Variants in NTRK2 observed in about 807,000 individuals in gnomAD.
NTRK2 encodes BDNF/NT-3 growth factors receptor.
A neutral mutation model predicts 94.5 loss-of-function variants in NTRK2; 13 were observed. The ratio of observed to expected loss-of-function variants is 0.14; its 90% CI spans 0.09 to 0.22. NTRK2 has a LOEUF of 0.22. Ranked by LOEUF, NTRK2 falls within the 10% of genes least tolerant of loss-of-function variation. NTRK2 has a pLI of 1.00. For synonymous variants in NTRK2, 372 were observed against 407.4 expected (o/e 0.91, Z 1.05); for missense variants, 639 against 1,071.2 (o/e 0.60, Z 5.63).
intron 14 of NTRK2, among the ~76,000 whole-genome samples, chr9:84,911,288 T>C (rs1049951903): frequency 1.3e-5 from 2 of 152,160 alleles, no homozygotes; most frequent in Admixed American, 6.5e-5. Flanking sequence ...AAGATAATAC[T>C]AGTTTTATAA....
intron 14 of NTRK2, among the ~76,000 whole-genome samples, chr9:84,895,678 T>C (rs754313958): frequency 1.1e-4 from 16 of 152,222 alleles, no homozygotes; most frequent in Admixed American, 2.6e-4. Context: ...GTCTCAGCTC[T>C]TTGGGGAGTG....
intron 6 of NTRK2, 105 bp from the exon 7 acceptor site, chr9:84,723,468 A>G: frequency 7.6e-7 from 1 of 1,322,654 alleles, no homozygotes; most frequent in Non-Finnish European, 1.1e-6. Context: ...AAAAGCAATT[A>G]AAGATTGATT....
intron 12 of NTRK2, among the ~76,000 whole-genome samples, chr9:84,820,170 T>C (rs1326208000): frequency 1.0e-5 from 1 of 95,514 alleles, no homozygotes; most frequent in Non-Finnish European, 1.9e-5. Flanking sequence ...TCTTTCTTTC[T>C]TTTTTTTTTT....
chr9:84,810,200 A>G (rs2071616351), intron 12 of NTRK2, among the ~76,000 whole-genome samples: 1 of 152,200 alleles, frequency 6.6e-6, no homozygotes, highest in African/African-American at 2.4e-5. Flanking sequence ...GGTCATTTGT[A>G]TTGTACACAG....
At chr9:85,015,829 C>T (rs1452561944) in intron 17 of NTRK2, among the ~76,000 whole-genome samples, 1 of 152,112 alleles carries the variant, frequency 6.6e-6, no homozygotes, top group Non-Finnish European at 1.5e-5. Context: ...AGTAACTTGG[C>T]CCTGGGTAGG....
At position 85,027,010 on chromosome 9, in the gene NTRK2, T is replaced by C. The variant is rs1246400186; in HGVS notation, c.*5573T>C. 2 of 232,034 alleles carry C rather than the reference T, an allele frequency of 8.6e-6. No individual in the cohort carries two copies. The highest frequency in any genetic ancestry group is 6.1e-5 in the East Asian group (1 of 16,360). The allele number at this position is 232,034 out of a possible 1,614,324, so 14.4% of individuals were successfully genotyped here. Reference sequence around the variant, plus strand: ...ATGGAAAGTCTCTTGTACTACAGTGTATTTAATAAAAATGATGTCTTACAA... The same window carrying C: ...ATGGAAAGTCTCTTGTACTACAGTGCATTTAATAAAAATGATGTCTTACAA... On this transcript the variant is annotated 3_prime_UTR_variant, in exon 19 of 19. Coordinates refer to ENST00000277120, the MANE Select transcript of NTRK2 (RefSeq NM_006180.6).
At chr9:85,007,196 G>C (rs1246070781) in intron 17 of NTRK2, among the ~76,000 whole-genome samples, 1 of 152,250 alleles carries the variant, frequency 6.6e-6, no homozygotes, top group Non-Finnish European at 1.5e-5. Context: ...CCTGCTTTTG[G>C]TGCCTAAGAA....
intron 14 of NTRK2, among the ~76,000 whole-genome samples, chr9:84,881,128 G>T (rs879811224): frequency 6.6e-6 from 1 of 152,176 alleles, no homozygotes; most frequent in Non-Finnish European, 1.5e-5. Context: ...AGAATTTGAT[G>T]AGTCCTTTGC....
chr9:84,769,556 G>A (rs1352405519), intron 12 of NTRK2, among the ~76,000 whole-genome samples: 2 of 152,184 alleles, frequency 1.3e-5, no homozygotes, highest in Non-Finnish European at 2.9e-5. Context: ...AATTCAAACA[G>A]CATCCCAGAA....
At position 84,889,086 on chromosome 9, in the gene NTRK2, G is replaced by T. The variant is rs986598674; in HGVS notation, c.1633+21655G>T. Among the ~76,000 whole-genome samples, 24 of 140,678 alleles carry T rather than the reference G, an allele frequency of 1.7e-4. No individual in the cohort carries two copies. The South Asian group carries it at 5.1e-3, about 30-fold the overall frequency. The allele number at this position is 140,678 out of a possible 152,430, so 92.3% of individuals were successfully genotyped here. ...GCTCACTGCAAGCTCCGCCTCCCGG[G>T]TTCACGCCATTCTCCTGCCTCAGCC... is the stretch of plus-strand genomic sequence containing the variant. On this transcript the variant is annotated intron_variant, in intron 14 of 18. Coordinates refer to ENST00000277120, the MANE Select transcript of NTRK2 (RefSeq NM_006180.6).
At chr9:84,826,146 A>G (rs2073172941) in intron 12 of NTRK2, among the ~76,000 whole-genome samples, 1 of 152,228 alleles carries the variant, frequency 6.6e-6, no homozygotes, top group African/African-American at 2.4e-5. Flanking sequence ...CACAAACGTG[A>G]TGGTTTACAA....
rs1466542944 is a variant in NTRK2 at position 84,853,047 on chromosome 9, T to C, written c.1397-7993T>C. Among the ~76,000 whole-genome samples the C allele has an allele frequency of 3.9e-5, 6 of 152,118 alleles. No homozygotes were observed. In the East Asian group the frequency reaches 1.2e-3, roughly 29 times the overall value. On this transcript the variant is annotated intron_variant, in intron 12 of 18. Coordinates refer to ENST00000277120, the MANE Select transcript of NTRK2 (RefSeq NM_006180.6). ...CTTTTCTCTTAAGATGAGGATATAGTGGCCCCAAAGCCTCTGAGTATTATT... is the reference window on the plus strand; with the variant it reads ...CTTTTCTCTTAAGATGAGGATATAGCGGCCCCAAAGCCTCTGAGTATTATT...
rs1225592887 is a variant in NTRK2, at chr9:85,023,222, G to A, written c.*1785G>A. On this transcript the variant is annotated 3_prime_UTR_variant, in exon 19 of 19. Coordinates refer to ENST00000277120, the MANE Select transcript of NTRK2 (RefSeq NM_006180.6). ...AAAGAAAAATATTTCTGTTCCTCAA[G>A]AAAACTTGCTACCCTCTGTGAGGGG... The A allele has an allele frequency of 3.9e-5, 9 of 232,888 alleles. No homozygotes were observed. Among genetic ancestry groups the A allele is most frequent in the Admixed American group, 1.7e-4 (3 of 17,780 alleles). The allele number at this position is 232,888 out of a possible 1,614,324, so 14.4% of individuals were successfully genotyped here.
chr9:84,697,283 G>A (rs1462024878), intron 2 of NTRK2, among the ~76,000 whole-genome samples: 1 of 152,144 alleles, frequency 6.6e-6, no homozygotes, highest in Non-Finnish European at 1.5e-5. Context: ...GGCAAGTGCG[G>A]GGACATGGGC....
At chr9:84,705,068 C>T (rs2060961053) in intron 4 of NTRK2, among the ~76,000 whole-genome samples, 1 of 152,162 alleles carries the variant, frequency 6.6e-6, no homozygotes, top group African/African-American at 2.4e-5. Context: ...CTGTTTCTCT[C>T]TACCCCTGGG....
At chr9:84,783,327 G>A (rs1242620115) in intron 12 of NTRK2, among the ~76,000 whole-genome samples, 1 of 152,112 alleles carries the variant, frequency 6.6e-6, no homozygotes, top group Non-Finnish European at 1.5e-5. Context: ...AAATGGTTTT[G>A]GACTCTAAAC....
intron 14 of NTRK2, among the ~76,000 whole-genome samples, chr9:84,912,679 C>T (rs1051190624): frequency 6.4e-5 from 9 of 141,252 alleles, no homozygotes; most frequent in African/African-American, 2.1e-4. Context: ...AGTGCAGTGG[C>T]GCGATCTTGG....
At chr9:84,788,253 T>A (rs1357404361) in intron 12 of NTRK2, among the ~76,000 whole-genome samples, 1 of 152,092 alleles carries the variant, frequency 6.6e-6, no homozygotes, top group African/African-American at 2.4e-5. Context: ...AAATGAAATT[T>A]TAAAAATTGG....
At chr9:84,678,881 G>A (rs889947324) in intron 2 of NTRK2, among the ~76,000 whole-genome samples, 15 of 152,190 alleles carry the variant, frequency 9.9e-5, no homozygotes, top group Non-Finnish European at 1.5e-4. Context: ...TCTTGTGTGC[G>A]TCTGGTGCTA....
Sources: allele counts gnomAD v4.1 joint callset (sites outside exome capture counted in the v4.1 genomes callset), GRCh38; gene constraint gnomAD v4.1.1; transcripts MANE v1.5; gene names NCBI Gene and HGNC (gene_info 2026-07-23, HGNC 2026-07-21).